TRPA1: variants seen among roughly 807,000 people sequenced by gnomAD.
The protein encoded by TRPA1 is ankyrin-like with transmembrane domains 1.
A neutral mutation model predicts 131.3 loss-of-function variants in TRPA1; 129 were observed. The ratio of observed to expected loss-of-function variants is 0.98; its 90% CI spans 0.85 to 1.14. The LOEUF (loss-of-function observed/expected upper bound fraction) is 1.14. TRPA1 is among the 50% of genes most tolerant of loss of function. TRPA1 has a pLI of 0.00. For synonymous variants in TRPA1, 441 were observed against 451.7 expected (o/e 0.98, Z 0.30); for missense variants, 1,304 against 1,354.2 (o/e 0.96, Z 0.58).
intron 11 of TRPA1, 21 bp from the exon 12 acceptor site, chr8:72,055,621 A>G: frequency 1.9e-6 from 3 of 1,613,600 alleles, no homozygotes; most frequent in Non-Finnish European, 2.5e-6. Context: ...ATTAGGTTTC[A>G]TATTTTCAAG....
intron 24 of TRPA1, among the ~76,000 whole-genome samples, chr8:72,026,426 T>TTG (rs765696099): frequency 6.6e-5 from 10 of 152,258 alleles, no homozygotes; most frequent in Non-Finnish European, 1.3e-4. Flanking sequence ...AAAGGGTAGT[T>TTG]CATACTCTTG....
At position 72,038,874 on chromosome 8, in the gene TRPA1, T is replaced by C. The variant is rs1219600063; in HGVS notation, c.2286A>G (p.Leu762=). The C allele has an allele frequency of 6.2e-7, 1 of 1,611,596 alleles. No homozygotes were observed. The highest frequency in any genetic ancestry group is 2.2e-5 in the East Asian group (1 of 44,748). Reference sequence around the variant, plus strand: ...TAAAATTTGAAATTACCGTGGTATCTAGTATTTCTGAATGATCACTAGTTT... The same window carrying C: ...TAAAATTTGAAATTACCGTGGTATCCAGTATTTCTGAATGATCACTAGTTT... ...INETSDHSEI[L]DTTNSYLIKT... Residue 762 remains leucine, a synonymous_variant, in exon 19 of 27, where the codon CTA becomes CTG. Transcript: ENST00000262209.
chr8:72,046,792 A>G (rs2129434631), intron 16 of TRPA1, among the ~76,000 whole-genome samples, 184 bp from the exon 17 acceptor site: 1 of 152,222 alleles, frequency 6.6e-6, no homozygotes, highest in Non-Finnish European at 1.5e-5. Context: ...AATTCTAAAA[A>G]TAAATATCCT....
rs181865487 is a variant in TRPA1, at chr8:72,063,438, A to C, written c.661+25T>G. On this transcript the variant is annotated intron_variant, in intron 5 of 26. Transcript: ENST00000262209. ...ACCAAAATAGACTTATTTATAGTAT[A>C]TAACATAGAAAAGCCTCAACTCACC... The C allele has an allele frequency of 5.5e-4, 815 of 1,491,324 alleles. 6 individuals carry two copies. The Admixed American group carries it at 8.3e-3, about 15-fold the overall frequency. 92.4% of individuals were successfully genotyped at this position (1,491,324 alleles called of 1,614,324 possible).
intron 24 of TRPA1, among the ~76,000 whole-genome samples, chr8:72,028,963 A>T (rs1811704393): frequency 6.6e-6 from 1 of 152,226 alleles, no homozygotes; most frequent in Non-Finnish European, 1.5e-5. Context: ...GCGTATAGTC[A>T]ACTGGTCACC....
In TRPA1 at chr8:72,023,978, C is replaced by G. The variant is rs1811492300; in HGVS notation, c.3052-67G>C. 3 of 1,088,826 alleles carry G rather than the reference C, an allele frequency of 2.8e-6. No individual in the cohort carries two copies. The Admixed American group carries it at 5.1e-5, about 19-fold the overall frequency. The allele number at this position is 1,088,826 out of a possible 1,614,324, so 67.4% of individuals were successfully genotyped here. On this transcript the variant is annotated intron_variant, in intron 25 of 26. Transcript: ENST00000262209. ...TCAGGAACTTTTTCTTAAGCATGTG[C>G]CAAAATTCAACCACCACTGGTACCA...
rs1424447242 is a variant in TRPA1 at position 72,075,510 on chromosome 8, G to A, written c.-101C>T. The stretch of plus-strand genomic sequence containing the variant: ...GCCTGCCAGGCGCTGGGGTCCGCGC[G>A]AGCCCGAGCTCTCCCGCGCTGCAGC... On this transcript the variant is annotated 5_prime_UTR_variant, in exon 1 of 27. Transcript: ENST00000262209. The A allele has an allele frequency of 5.2e-6, 5 of 959,244 alleles. No homozygotes were observed. The highest frequency in any genetic ancestry group is 1.8e-5 in the Admixed American group (1 of 55,826). The allele number at this position is 959,244 out of a possible 1,614,324, so 59.4% of individuals were successfully genotyped here. A position where few individuals can be genotyped will look rare whatever the true frequency, so the allele number is the denominator to read the frequency against.
At chr8:72,083,253 T>C in the TRPA1 span, among the ~76,000 whole-genome samples, 1 of 152,194 alleles carries the variant, frequency 6.6e-6, no homozygotes. Context: ...TATTAGCTGA[T>C]TTGAAATACT....
intron 17 of TRPA1, among the ~76,000 whole-genome samples, chr8:72,041,665 T>C (rs1166203060): frequency 6.6e-6 from 1 of 151,526 alleles, no homozygotes; most frequent in African/African-American, 2.4e-5. Context: ...TGGAAACAAA[T>C]GAAATGAAAA....
chr8:72,038,028 T>G lies in TRPA1; in HGVS notation c.2340A>C (p.Ser780=). The change falls in exon 20 of 27, where the codon TCA becomes TCC. Residue 780 remains serine, a synonymous_variant. Transcript: ENST00000262209. ...IKTCMILVFL[S]SIFGYCKEAG... ...CTTCTTTGCAATACCCAAATATACT[T>G]GATAAAAACACTAAAATCATACAAG... is the stretch of plus-strand genomic sequence containing the variant. 1 of 1,601,800 alleles carries G rather than the reference T, an allele frequency of 6.2e-7. No homozygotes were observed. The highest frequency in any genetic ancestry group is 8.5e-7 in the Non-Finnish European group (1 of 1,170,112).
At chr8:72,065,652 AC>A (rs1484176830) in intron 3 of TRPA1, 94 bp from the exon 4 acceptor site, 10 of 868,618 alleles carry the variant, frequency 1.2e-5, no homozygotes, top group Admixed American at 2.0e-5. Context: ...AATACCAGGG[AC>A]CATGTCTGTT....
Position 72,036,621 on chromosome 8 carries a change from C to G in TRPA1, c.2386-164G>C, listed in dbSNP as rs1265320225. The stretch of plus-strand genomic sequence containing the variant: ...CGCCATCCTGGATTGACTTCAGAGT[C>G]CCCGGGGTATGAATCGGTGTTGGAG... On this transcript the variant is annotated intron_variant, in intron 20 of 26. Coordinates refer to ENST00000262209, the MANE Select transcript of TRPA1 (RefSeq NM_007332.3). Among the ~76,000 whole-genome samples the G allele has an allele frequency of 3.3e-5, 5 of 152,286 alleles. No individual in the cohort carries two copies. In the East Asian group the frequency reaches 9.7e-4, roughly 29 times the overall value.
At chr8:72,081,355 T>A in the TRPA1 span, among the ~76,000 whole-genome samples, 1 of 151,826 alleles carries the variant, frequency 6.6e-6, no homozygotes, top group African/African-American at 2.4e-5. Flanking sequence ...TCAAAGAACA[T>A]ACTTTGTATT....
At chr8:72,054,020 G>A (rs1805597147) in intron 12 of TRPA1, 153 bp from the exon 13 acceptor site, 3 of 646,518 alleles carry the variant, frequency 4.6e-6, no homozygotes, top group Non-Finnish European at 8.3e-6. Flanking sequence ...TATAATAAAT[G>A]AGCTAATTCC....
At chr8:72,059,083 C>T (rs371406232) in intron 8 of TRPA1, among the ~76,000 whole-genome samples, 9 of 152,280 alleles carry the variant, frequency 5.9e-5, no homozygotes, top group South Asian at 2.1e-4. Flanking sequence ...CTCACACTCC[C>T]GGAAGACCCT....
chr8:72,072,649 T>C (rs769836352), intron 1 of TRPA1, among the ~76,000 whole-genome samples: 4 of 152,228 alleles, frequency 2.6e-5, no homozygotes, highest in Non-Finnish European at 5.9e-5. Flanking sequence ...TAGGATCTTT[T>C]TCCATGTCTC....
the TRPA1 span, among the ~76,000 whole-genome samples, chr8:72,085,424 A>G: frequency 6.9e-6 from 1 of 145,920 alleles, no homozygotes; most frequent in Non-Finnish European, 1.5e-5. Flanking sequence ...TTATATACTT[A>G]TAAACTATGT....
At chr8:72,077,290 T>G (rs966424202), upstream of TRPA1, among the ~76,000 whole-genome samples, 429 of 132,764 alleles carry the variant, frequency 3.2e-3, no homozygotes, top group Non-Finnish European at 4.0e-3. Context: ...GTGACAGGGG[T>G]GGGGGGGGGG....
Position 72,047,225 on chromosome 8 carries a change from C to A in TRPA1, c.1906-18G>T. 1.9e-6 allele frequency: 3 copies of A among 1,601,866 alleles called. No homozygotes were observed. Among genetic ancestry groups the A allele is most frequent in the Non-Finnish European group, 2.6e-6 (3 of 1,169,638 alleles). ...AAAAGTACCTTTGAAAGAGAAAAAC[C>A]AGCTAAGATATTGGGGCAGTACACT... On this transcript the variant is annotated intron_variant, in intron 15 of 26. Coordinates refer to ENST00000262209, the MANE Select transcript of TRPA1 (RefSeq NM_007332.3).
Sources: gnomAD v4.1 joint callset for allele counts (sites outside exome capture counted in the v4.1 genomes callset) on GRCh38, gnomAD v4.1.1 for gene constraint, MANE v1.5 for transcripts, NCBI Gene and HGNC (gene_info 2026-07-23, HGNC 2026-07-21) for gene names.